Variants in UBE3D observed in about 807,000 individuals in gnomAD.
UBE3D encodes the protein ubiquitin protein ligase E3D.
In UBE3D, 48 loss-of-function variants were observed where a neutral mutation model predicts 49.6. That is an observed-to-expected ratio of 0.97 (90% CI 0.77 to 1.23). The LOEUF is 1.23. UBE3D is among the 50% of genes most tolerant of loss of function. The pLI, the probability that UBE3D is intolerant of heterozygous loss-of-function variation, is 0.00. For missense variants in UBE3D, 452 were observed against 468.4 expected (o/e 0.96, Z 0.32); for synonymous variants, 189 against 174.2 (o/e 1.08, Z -0.67).
chr6:82,974,415 G>C (rs1408845893), intron 8 of UBE3D, among the ~76,000 whole-genome samples: 1 of 152,132 alleles, frequency 6.6e-6, no homozygotes, highest in Admixed American at 6.5e-5. Context: ...CCTTAAAATG[G>C]TGTAGTGTTT....
chr6:82,933,811 A>T (rs1425306806), intron 9 of UBE3D, among the ~76,000 whole-genome samples: 1 of 152,198 alleles, frequency 6.6e-6, no homozygotes, highest in Non-Finnish European at 1.5e-5. Flanking sequence ...GAGAATTCCA[A>T]CTAATAGCTA....
intron 5 of UBE3D, among the ~76,000 whole-genome samples, chr6:83,028,313 C>T (rs73481044): frequency 0.028 from 4,330 of 152,140 alleles, 173 homozygotes; most frequent in East Asian, 0.08. Flanking sequence ...GAATACTATA[C>T]CTAAAAAATT....
intron 1 of UBE3D, among the ~76,000 whole-genome samples, chr6:83,062,163 CTGT>C (rs1370093371): frequency 6.6e-6 from 1 of 152,142 alleles, no homozygotes; most frequent in Non-Finnish European, 1.5e-5. Context: ...TTTGTCTTTG[CTGT>C]TGTTACTGTT....
chr6:82,905,192 G>C (rs1193436589), intron 9 of UBE3D, among the ~76,000 whole-genome samples: 1 of 152,136 alleles, frequency 6.6e-6, no homozygotes. Context: ...TGCAGATACA[G>C]CATTTTTTAC....
chr6:82,883,436 CT>C, the UBE3D span, among the ~76,000 whole-genome samples: 1 of 152,156 alleles, frequency 6.6e-6, no homozygotes, highest in African/African-American at 2.4e-5. Context: ...TGAATTCCTT[CT>C]CTGCATTAGG....
intron 8 of UBE3D, among the ~76,000 whole-genome samples, chr6:82,994,106 G>A (rs950423): frequency 0.034 from 5,210 of 152,228 alleles, 139 homozygotes; most frequent in East Asian, 0.1. Flanking sequence ...TTCTATGTAT[G>A]CATGTGTTTA....
At chr6:83,049,791 G>A (rs779888510) in intron 3 of UBE3D, 1 of 470,956 alleles carries the variant, frequency 2.1e-6, no homozygotes, top group Non-Finnish European at 4.4e-6. Flanking sequence ...CGAAAGGCTT[G>A]AGTTTGAAAG....
intron 8 of UBE3D, among the ~76,000 whole-genome samples, chr6:82,999,771 G>C (rs930547348): frequency 2.6e-5 from 4 of 151,950 alleles, no homozygotes; most frequent in African/African-American, 9.7e-5. Context: ...TCTCTGTTCT[G>C]CCGTTCACAG....
At chr6:82,928,378 C>T (rs1773911673) in intron 9 of UBE3D, among the ~76,000 whole-genome samples, 8 of 152,174 alleles carry the variant, frequency 5.3e-5, no homozygotes, top group Admixed American at 5.2e-4. Flanking sequence ...TAAAAAAGCA[C>T]AGGAATAGGC....
At chr6:82,887,268 G>C in the UBE3D span, among the ~76,000 whole-genome samples, 1 of 146,076 alleles carries the variant, frequency 6.8e-6, no homozygotes, top group Non-Finnish European at 1.5e-5. Flanking sequence ...ACAGTGAGCT[G>C]AGATTGTGCT....
chr6:82,955,564 C>T (rs576036589), intron 9 of UBE3D, among the ~76,000 whole-genome samples: 1 of 152,284 alleles, frequency 6.6e-6, no homozygotes, highest in East Asian at 1.9e-4. Flanking sequence ...ATTATTCAAT[C>T]CCATAAGCAG....
At chr6:83,024,130 A>G in intron 5 of UBE3D, 92 bp from the exon 6 acceptor site, 1 of 589,892 alleles carries the variant, frequency 1.7e-6, no homozygotes, top group Non-Finnish European at 2.9e-6. Flanking sequence ...TTCCAAACTA[A>G]ATATTAAATA....
intron 9 of UBE3D, among the ~76,000 whole-genome samples, chr6:82,910,969 T>A (rs1772459938): frequency 6.6e-6 from 1 of 152,046 alleles, no homozygotes; most frequent in Non-Finnish European, 1.5e-5. Context: ...AAAGATCTAA[T>A]CCCACCAGAT....
At chr6:82,908,092 G>A (rs933494273) in intron 9 of UBE3D, among the ~76,000 whole-genome samples, 5 of 152,094 alleles carry the variant, frequency 3.3e-5, no homozygotes, top group Admixed American at 6.5e-5. Flanking sequence ...ACAAAAAAGA[G>A]TACATACAGT....
chr6:83,031,605 G>A (rs1246246087), intron 5 of UBE3D, among the ~76,000 whole-genome samples: 1 of 152,164 alleles, frequency 6.6e-6, no homozygotes, highest in East Asian at 1.9e-4. Flanking sequence ...GGGCGTTACA[G>A]TCAAGCCTGC....
intron 9 of UBE3D, among the ~76,000 whole-genome samples, chr6:82,899,501 A>G (rs1771575126): frequency 6.6e-6 from 1 of 152,224 alleles, no homozygotes; most frequent in Non-Finnish European, 1.5e-5. Context: ...GTTGATTTAA[A>G]AAGTTAGGCT....
At chr6:83,063,412 TAAAAAA>T (rs201669450) in intron 1 of UBE3D, among the ~76,000 whole-genome samples, 1 of 45,494 alleles carries the variant, frequency 2.2e-5, no homozygotes, top group South Asian at 7.7e-4. Flanking sequence ...AGACGCTGTC[TAAAAAA>T]AAAAAAAAAA....
At chr6:82,999,130 A>G (rs1399596402) in intron 8 of UBE3D, among the ~76,000 whole-genome samples, 2 of 152,142 alleles carry the variant, frequency 1.3e-5, no homozygotes, top group African/African-American at 2.4e-5. Context: ...CTTTACTCCT[A>G]TCTTACAGAT....
chr6:83,044,333 A>T, intron 4 of UBE3D, 95 bp downstream of exon 4: 1 of 1,185,902 alleles, frequency 8.4e-7, no homozygotes, highest in Middle Eastern at 2.3e-4. Flanking sequence ...CCTTTACAGC[A>T]GTCTATGTAA....
Sources: gnomAD v4.1 joint callset for allele counts (sites outside exome capture counted in the v4.1 genomes callset) on GRCh38, gnomAD v4.1.1 for gene constraint, MANE v1.5 for transcripts, NCBI Gene and HGNC (gene_info 2026-07-23, HGNC 2026-07-21) for gene names.